The following CA10 variants were observed in gnomAD, a reference collection of about 807,000 sequenced individuals.
CA10 encodes the protein carbonic anhydrase-related protein 10.
Under a neutral mutation model 44.2 loss-of-function variants are expected in CA10, and 14 were observed. That is an observed-to-expected ratio of 0.32 (90% CI 0.21 to 0.50). The LOEUF is 0.50. Ranked by LOEUF, CA10 falls within the 20% of genes least tolerant of loss-of-function variation. The pLI, the probability that CA10 is intolerant of heterozygous loss-of-function variation, is 0.99. For missense variants in CA10, 350 were observed against 409.7 expected (o/e 0.85, Z 1.26); for synonymous variants, 159 against 141.6 (o/e 1.12, Z -0.87).
At chr17:52,125,397 G>T (rs1408348126) in intron 1 of CA10, among the ~76,000 whole-genome samples, 1 of 152,170 alleles carries the variant, frequency 6.6e-6, no homozygotes, top group African/African-American at 2.4e-5. Flanking sequence ...GTGTCCCTGA[G>T]AACCCAAACA....
At chr17:51,774,383 G>A (rs1457386925) in intron 3 of CA10, among the ~76,000 whole-genome samples, 2 of 151,834 alleles carry the variant, frequency 1.3e-5, no homozygotes, top group Non-Finnish European at 2.9e-5. Flanking sequence ...TCTGTGAGTG[G>A]GGTAGCAATA....
chr17:51,791,263 A>G (rs532972841), intron 3 of CA10, among the ~76,000 whole-genome samples: 2 of 152,342 alleles, frequency 1.3e-5, no homozygotes, highest in Admixed American at 6.5e-5. Context: ...CCAGTTTAAT[A>G]TTACCTAATA....
At chr17:51,951,562 A>AT (rs780281487) in intron 2 of CA10, among the ~76,000 whole-genome samples, 4 of 152,294 alleles carry the variant, frequency 2.6e-5, no homozygotes, top group Non-Finnish European at 4.4e-5. Flanking sequence ...AAAGAAAATG[A>AT]TTTTTTAAAA....
rs117350876 is a variant in CA10, at chr17:51,805,397, C to T, written c.280-57579G>A. On this transcript the variant is annotated intron_variant, in intron 3 of 8. Coordinates refer to ENST00000451037, the MANE Select transcript of CA10 (RefSeq NM_020178.5). ...AAATACTGAGTAAACAATTGAGTAA[C>T]GAAGACAATTACAGTGCTGTGAAGG... is the stretch of plus-strand genomic sequence containing the variant. 8.0e-4 allele frequency among the ~76,000 whole-genome samples: 121 copies of T among 152,160 alleles called. 1 individual carries two copies. The East Asian group carries it at 0.015, about 19-fold the overall frequency.
intron 3 of CA10, among the ~76,000 whole-genome samples, chr17:51,789,823 A>G (rs1327163646): frequency 6.6e-6 from 1 of 152,226 alleles, no homozygotes; most frequent in East Asian, 1.9e-4. Context: ...TTACCCTTGT[A>G]AGGGGCCTGT....
chr17:51,958,801 A>G (rs1353572816), intron 2 of CA10, among the ~76,000 whole-genome samples: 2 of 152,172 alleles, frequency 1.3e-5, no homozygotes, highest in African/African-American at 4.8e-5. Context: ...CGAGAAGAAA[A>G]CATGAGAATA....
chr17:51,796,625 T>C (rs1256887696), intron 3 of CA10, among the ~76,000 whole-genome samples: 1 of 152,180 alleles, frequency 6.6e-6, no homozygotes, highest in Admixed American at 6.5e-5. Flanking sequence ...TCCACAACAA[T>C]AGTCACAAAA....
intron 3 of CA10, among the ~76,000 whole-genome samples, chr17:51,838,814 A>T (rs1002129045): frequency 1.3e-5 from 2 of 152,192 alleles, no homozygotes; most frequent in African/African-American, 4.8e-5. Flanking sequence ...ACCTCCCATG[A>T]CCCTGCTCCT....
At chr17:51,838,328 A>G (rs950860145) in intron 3 of CA10, among the ~76,000 whole-genome samples, 1 of 152,162 alleles carries the variant, frequency 6.6e-6, no homozygotes, top group Non-Finnish European at 1.5e-5. Context: ...TTGATATCTT[A>G]ATGTTCTGGC....
chr17:51,861,901 C>G (rs1014033207), intron 3 of CA10, among the ~76,000 whole-genome samples: 6 of 152,128 alleles, frequency 3.9e-5, no homozygotes, highest in Non-Finnish European at 5.9e-5. Context: ...ACTCCAGACC[C>G]ATGATTTTCT....
chr17:52,010,607 T>C (rs569853210), intron 2 of CA10, among the ~76,000 whole-genome samples: 1 of 151,750 alleles, frequency 6.6e-6, no homozygotes, highest in Non-Finnish European at 1.5e-5. Context: ...ACATTGGACT[T>C]TGGGGACTGG....
intron 1 of CA10, among the ~76,000 whole-genome samples, chr17:52,078,472 G>C (rs1308578815): frequency 6.6e-6 from 1 of 152,178 alleles, no homozygotes; most frequent in East Asian, 1.9e-4. Context: ...AGATATAGAG[G>C]AGAGGCAGAG....
intron 2 of CA10, among the ~76,000 whole-genome samples, chr17:51,993,910 T>G (rs976679334): frequency 2.6e-5 from 4 of 152,088 alleles, no homozygotes; most frequent in African/African-American, 9.7e-5. Flanking sequence ...GATGCTGTGA[T>G]GGGTGCTGGC....
intron 3 of CA10, among the ~76,000 whole-genome samples, chr17:51,870,145 C>T (rs1979737090): frequency 6.6e-6 from 1 of 152,226 alleles, no homozygotes; most frequent in Non-Finnish European, 1.5e-5. Context: ...AGGATGTTGA[C>T]AGCCAGAAGA....
intron 4 of CA10, among the ~76,000 whole-genome samples, chr17:51,705,356 A>T (rs931864961): frequency 2.6e-5 from 4 of 152,084 alleles, no homozygotes; most frequent in African/African-American, 9.7e-5. Context: ...TAGAGCACAA[A>T]CCCCAACCCT....
chr17:52,091,099 A>G (rs1171840280), intron 1 of CA10, among the ~76,000 whole-genome samples: 1 of 152,130 alleles, frequency 6.6e-6, no homozygotes, highest in African/African-American at 2.4e-5. Flanking sequence ...AAAAAATACT[A>G]TCTGAAAAAA....
At chr17:52,040,136 CT>C (rs1260910367) in intron 2 of CA10, among the ~76,000 whole-genome samples, 1 of 114,304 alleles carries the variant, frequency 8.7e-6, no homozygotes, top group East Asian at 2.2e-4. Flanking sequence ...TTTTTCCTTT[CT>C]TTTTTTTCTT....
intron 3 of CA10, among the ~76,000 whole-genome samples, chr17:51,794,225 A>G (rs1906626497): frequency 6.6e-6 from 1 of 152,254 alleles, no homozygotes; most frequent in East Asian, 1.9e-4. Flanking sequence ...ATTGTGAACA[A>G]CAAAAATGAG....
At chr17:51,866,474 G>A (rs1195793870) in intron 3 of CA10, among the ~76,000 whole-genome samples, 1 of 152,116 alleles carries the variant, frequency 6.6e-6, no homozygotes. Context: ...TTCCCCAAAA[G>A]CAGACCATGC....
Sources: gnomAD v4.1 joint callset for allele counts (sites outside exome capture counted in the v4.1 genomes callset) on GRCh38, gnomAD v4.1.1 for gene constraint, MANE v1.5 for transcripts, NCBI Gene and HGNC (gene_info 2026-07-23, HGNC 2026-07-21) for gene names.